The following SHROOM4 variants were observed in gnomAD, a reference collection of about 807,000 sequenced individuals.
SHROOM4 encodes the protein protein Shroom4.
In SHROOM4, 17 loss-of-function variants were observed where a neutral mutation model predicts 80.3. That is an observed-to-expected ratio of 0.21 (90% confidence interval 0.14 to 0.32). The LOEUF is 0.32. SHROOM4 is among the 10% of genes least tolerant of loss of function. SHROOM4 has a pLI of 1.00. For missense variants in SHROOM4, 993 were observed against 1,140.3 expected (o/e 0.87, Z 1.86); for synonymous variants, 400 against 437.5 (o/e 0.91, Z 1.07).
At position 50,607,725 on chromosome X, in the gene SHROOM4, T is replaced by C. The variant is rs1557248846; in HGVS notation, c.3417A>G (p.Glu1139=). 33 of 1,173,530 alleles carry C rather than the reference T, an allele frequency of 2.8e-5. No homozygotes were observed. The highest frequency in any genetic ancestry group is 3.8e-5 in the African/African-American group (2 of 52,856). ...CCTCTTCCTCTTCCTCTTCTTCTTC[T>C]TCTTCCTCCTCCTCCTCCTCCTCCT... is the stretch of plus-strand genomic sequence containing the variant. ...KQQEEEEEEE[E]EEEEEEEEEE... Residue 1139 remains glutamate (E), a synonymous_variant, in exon 6 of 9, where the codon GAA becomes GAG. Coordinates refer to ENST00000376020, the MANE Select transcript of SHROOM4 (RefSeq NM_020717.5).
At chrX:50,674,311 C>A (rs782619663) in intron 2 of SHROOM4, among the ~76,000 whole-genome samples, 1 of 111,271 alleles carries the variant, frequency 9.0e-6, no homozygotes, top group South Asian at 3.8e-4. Context: ...AATCAATATA[C>A]CCAATTTCAA....
In SHROOM4 at chrX:50,634,877, G is replaced by A. The variant is rs1557255477; in HGVS notation, c.1196C>T (p.Pro399Leu). 15 of 1,206,197 alleles carry A rather than the reference G, an allele frequency of 1.2e-5. No homozygotes were observed. Among genetic ancestry groups the A allele is most frequent in the Non-Finnish European group, 1.6e-5 (14 of 892,416 alleles). Reference protein sequence around the residue: ...AELAKASFGRPPHLIGPTGHR... With the variant: ...AELAKASFGRLPHLIGPTGHR... ...CCCTGTGGGTCCTATGAGATGTGGAGGTCTGCCAAAAGAAGCCTTAGCTAG... is the reference window on the plus strand; with the variant it reads ...CCCTGTGGGTCCTATGAGATGTGGAAGTCTGCCAAAAGAAGCCTTAGCTAG... Residue 399 changes from proline (P) to leucine (L), a missense_variant, in exon 4 of 9, where the codon CCT becomes CTT. By Grantham distance (98) the Pro-to-Leu change is moderately conservative. Transcript: ENST00000376020.
chrX:50,711,554 C>T (rs1933816086), intron 1 of SHROOM4, among the ~76,000 whole-genome samples: 1 of 112,147 alleles, frequency 8.9e-6, no homozygotes, highest in African/African-American at 3.2e-5. Flanking sequence ...TGTAAACAAA[C>T]ATTGAACTCT....
intron 5 of SHROOM4, among the ~76,000 whole-genome samples, chrX:50,619,333 C>A (rs1454642527): frequency 9.0e-6 from 1 of 111,266 alleles, no homozygotes; most frequent in Non-Finnish European, 1.9e-5. Flanking sequence ...ACCCGTCTCG[C>A]CTTTCCCTTC....
intron 5 of SHROOM4, among the ~76,000 whole-genome samples, chrX:50,618,608 G>A (rs1356389783): frequency 4.5e-5 from 5 of 110,056 alleles, no homozygotes; most frequent in East Asian, 5.7e-4. Flanking sequence ...GGTTGGTCTC[G>A]AACTCCTGAC....
intron 1 of SHROOM4, among the ~76,000 whole-genome samples, chrX:50,802,348 C>T (rs2147733709): frequency 8.9e-6 from 1 of 111,970 alleles, no homozygotes; most frequent in East Asian, 2.8e-4. Flanking sequence ...AATAAACATG[C>T]TCCCCAACTG....
Position 50,701,977 on chromosome X carries a change from A to T in SHROOM4, c.118-6040T>A, listed in dbSNP as rs1933529469. 2.7e-5 allele frequency among the ~76,000 whole-genome samples: 3 copies of T among 111,990 alleles called. No homozygotes were observed. In the East Asian group the frequency reaches 8.4e-4, roughly 31 times the overall value. On this transcript the variant is annotated intron_variant, in intron 1 of 8. Coordinates refer to ENST00000376020, the MANE Select transcript of SHROOM4 (RefSeq NM_020717.5). ...CAGACTGGGAAAATATTCATAATAC[A>T]TATTACCTGACAAATGACTTATATC...
At chrX:50,637,760 C>G (rs1931415973) in intron 3 of SHROOM4, among the ~76,000 whole-genome samples, 2 of 112,059 alleles carry the variant, frequency 1.8e-5, no homozygotes, top group South Asian at 7.6e-4. Context: ...GGCTATGTGA[C>G]AGAGGTAATA....
intron 1 of SHROOM4, among the ~76,000 whole-genome samples, chrX:50,766,865 A>G (rs1178939022): frequency 8.9e-6 from 1 of 112,103 alleles, no homozygotes; most frequent in Non-Finnish European, 1.9e-5. Flanking sequence ...GGATAAAAAT[A>G]TATAAGGTCA....
chrX:50,772,877 A>G (rs1935427220), intron 1 of SHROOM4, among the ~76,000 whole-genome samples: 1 of 112,180 alleles, frequency 8.9e-6, no homozygotes, highest in South Asian at 3.7e-4. Context: ...GATAATGTGC[A>G]ATCTGATCCT....
At position 50,634,976 on chromosome X, in the gene SHROOM4, G is replaced by A. The variant is rs1424850265; in HGVS notation, c.1097C>T (p.Ala366Val). 8.2e-7 allele frequency: 1 copy of A among 1,212,228 alleles called. No individual in the cohort carries two copies. Among genetic ancestry groups the A allele is most frequent in the Non-Finnish European group, 1.1e-6 (1 of 895,608 alleles). ...GTCACAGGCTTTTGGGGATCCAACA[G>A]CTTTGGTTGAGGCCTGCATCAGTAG... ...EHLLMQASTK[A>V]VGSPKACDRA... The change falls in exon 4 of 9, where the codon GCT becomes GTT. Residue 366 changes from alanine (A) to valine (V), a missense_variant. By Grantham distance (64) the Ala-to-Val change is moderately conservative (BLOSUM62 0). Coordinates refer to ENST00000376020, the MANE Select transcript of SHROOM4 (RefSeq NM_020717.5).
At chrX:50,687,989 C>T (rs1444271923) in intron 2 of SHROOM4, among the ~76,000 whole-genome samples, 2 of 110,005 alleles carry the variant, frequency 1.8e-5, no homozygotes, top group Non-Finnish European at 3.8e-5. Flanking sequence ...ACAAGCAGCC[C>T]CTGTCCTCAT....
chrX:50,768,325 G>A (rs1174382365), intron 1 of SHROOM4, among the ~76,000 whole-genome samples: 2 of 111,832 alleles, frequency 1.8e-5, no homozygotes, highest in African/African-American at 6.5e-5. Flanking sequence ...TGGGTAAAGC[G>A]ATTGCTGGCA....
Position 50,636,827 on chromosome X carries a change from A to T in SHROOM4, c.405-1159T>A, listed in dbSNP as rs369616147. Reference sequence around the variant, plus strand: ...TGGAATCTGAATCAGGCCTGAGTCCAGTGTCTTAGCGCTACTGCCATATGG... The same window carrying T: ...TGGAATCTGAATCAGGCCTGAGTCCTGTGTCTTAGCGCTACTGCCATATGG... On this transcript the variant is annotated intron_variant, in intron 3 of 8. Transcript: ENST00000376020. Among the ~76,000 whole-genome samples, 28 of 112,159 alleles carry T rather than the reference A, an allele frequency of 2.5e-4. No individual in the cohort carries two copies. The South Asian group carries it at 3.8e-3, about 15-fold the overall frequency.
At chrX:50,651,096 A>AAACC (rs1301383888) in intron 2 of SHROOM4, among the ~76,000 whole-genome samples, 1 of 111,182 alleles carries the variant, frequency 9.0e-6, no homozygotes, top group Non-Finnish European at 1.9e-5. Flanking sequence ...ACAAACAAAC[A>AAACC]AACCAACAAA....
At chrX:50,794,902 G>GTATATATA (rs60153784) in intron 1 of SHROOM4, among the ~76,000 whole-genome samples, 33 of 92,635 alleles carry the variant, frequency 3.6e-4, no homozygotes, top group African/African-American at 1.2e-3. Flanking sequence ...GTATAAATGT[G>GTATATATA]TATATATATA....
At chrX:50,697,907 T>C (rs1025889835) in intron 1 of SHROOM4, among the ~76,000 whole-genome samples, 1 of 112,136 alleles carries the variant, frequency 8.9e-6, no homozygotes, top group South Asian at 3.7e-4. Flanking sequence ...GTCAGAACTT[T>C]CAACAGGGAT....
intron 1 of SHROOM4, among the ~76,000 whole-genome samples, chrX:50,786,236 CAGA>C (rs1278578092): frequency 1.8e-5 from 2 of 111,767 alleles, no homozygotes; most frequent in Non-Finnish European, 3.8e-5. Context: ...AGGAGCTGTC[CAGA>C]AGATTGGCTT....
chrX:50,578,289 T>A, the SHROOM4 span, among the ~76,000 whole-genome samples: 2 of 111,706 alleles, frequency 1.8e-5, no homozygotes, highest in African/African-American at 6.5e-5. Context: ...CAGCCATTTT[T>A]AAATTAATTA....
Sources: allele counts gnomAD v4.1 joint callset (sites outside exome capture counted in the v4.1 genomes callset), GRCh38; gene constraint gnomAD v4.1.1; transcripts MANE v1.5; gene names NCBI Gene and HGNC (gene_info 2026-07-23, HGNC 2026-07-21).